The following ZP3 variants were observed in gnomAD, a reference collection of about 807,000 sequenced individuals.
The protein encoded by ZP3 is zona pellucida glycoprotein 3, also known as zona pellucida sperm-binding protein 3.
In ZP3, 21 loss-of-function variants were observed where a neutral mutation model predicts 35.6. The ratio of observed to expected loss-of-function variants is 0.59; its 90% CI spans 0.42 to 0.85. ZP3 has a LOEUF of 0.85. Among genes scored for constraint, ZP3 ranks in the 40% least tolerant of loss-of-function variants. The pLI is 0.00. For synonymous variants in ZP3, 207 were observed against 214.5 expected (o/e 0.96, Z 0.31); for missense variants, 437 against 536.5 (o/e 0.81, Z 1.83).
chr7:76,440,707 C>T, intron 7 of ZP3, 96 bp downstream of exon 7: 2 of 1,526,862 alleles, frequency 1.3e-6, no homozygotes, highest in South Asian at 2.6e-5. Flanking sequence ...CCCTTGTCCT[C>T]CATTAAAACT....
chr7:76,397,835 G>A (rs762179613), intron 1 of ZP3: 2 of 1,556,552 alleles, frequency 1.3e-6, no homozygotes, highest in Non-Finnish European at 1.7e-6. Context: ...GCCCTCACCT[G>A]GGGATGGGGG....
At chr7:76,416,876 A>G (rs538340066) in intron 1 of ZP3, among the ~76,000 whole-genome samples, 1 of 140,010 alleles carries the variant, frequency 7.1e-6, no homozygotes, top group Non-Finnish European at 1.5e-5. Flanking sequence ...ACACATATAT[A>G]CACACATACA....
upstream of ZP3, among the ~76,000 whole-genome samples, chr7:76,422,554 C>T (rs374099669): frequency 1.3e-3 from 192 of 151,722 alleles, 4 homozygotes; most frequent in East Asian, 0.029. Context: ...TGGCAGGCGC[C>T]TGTAATCCCA....
chr7:76,419,769 C>CCCTCCT (rs1193213971), intron 1 of ZP3, among the ~76,000 whole-genome samples: 5 of 142,542 alleles, frequency 3.5e-5, no homozygotes, highest in Admixed American at 2.9e-4. Context: ...TTTCCCCCTC[C>CCCTCCT]CCTCCTCCTC....
chr7:76,433,067 G>T, intron 3 of ZP3, 37 bp downstream of exon 3: 1 of 1,538,476 alleles, frequency 6.5e-7, no homozygotes, highest in South Asian at 1.1e-5. Flanking sequence ...TCTGTGGAAA[G>T]ACCTGGGCCA....
intron 1 of ZP3, chr7:76,400,555 C>A: frequency 1.3e-6 from 2 of 1,509,924 alleles, no homozygotes; most frequent in Non-Finnish European, 1.8e-6. Flanking sequence ...TTCCAGGCGG[C>A]CCCGGCAGCG....
At chr7:76,400,996 T>C in intron 1 of ZP3, 1 of 1,550,338 alleles carries the variant, frequency 6.5e-7, no homozygotes, top group Non-Finnish European at 8.7e-7. Flanking sequence ...AAGGGCGGGG[T>C]GGGGCACCTA....
At chr7:76,432,053 C>G (rs1805844547) in intron 2 of ZP3, among the ~76,000 whole-genome samples, 1 of 151,956 alleles carries the variant, frequency 6.6e-6, no homozygotes, top group Non-Finnish European at 1.5e-5. Flanking sequence ...AAAAGTCTTA[C>G]TCTGCCGCCC....
At chr7:76,400,450 G>A (rs755244124) in intron 1 of ZP3, 3 of 1,608,950 alleles carry the variant, frequency 1.9e-6, no homozygotes, top group South Asian at 1.1e-5. Flanking sequence ...CACGGGCAGT[G>A]CCAGGCCACA....
upstream of ZP3, among the ~76,000 whole-genome samples, chr7:76,420,417 C>T (rs1164614202): frequency 6.6e-6 from 1 of 152,142 alleles, no homozygotes; most frequent in Non-Finnish European, 1.5e-5. Flanking sequence ...CCACATACAG[C>T]TAAAACATGT....
chr7:76,425,493 C>T (rs1263401053), intron 1 of ZP3, among the ~76,000 whole-genome samples: 1 of 152,112 alleles, frequency 6.6e-6, no homozygotes, highest in African/African-American at 2.4e-5. Flanking sequence ...TGGGGTGGAG[C>T]CAGAGGTGGC....
intron 4 of ZP3, 97 bp downstream of exon 4, chr7:76,433,744 G>A: frequency 7.5e-7 from 1 of 1,331,296 alleles, no homozygotes; most frequent in East Asian, 2.3e-5. Context: ...TGTAACCCAG[G>A]CTGGAATACA....
upstream of ZP3, among the ~76,000 whole-genome samples, chr7:76,423,027 GAA>G (rs60018637): frequency 0.15 from 9,839 of 67,666 alleles, 736 homozygotes; most frequent in Non-Finnish European, 0.17. Flanking sequence ...GAGAGAGAGA[GAA>G]AGAAAGAAAG....
Position 76,411,347 on chromosome 7 carries a change from G to A in ZP3, c.-67+13550G>A, listed in dbSNP as rs907372264. Among the ~76,000 whole-genome samples the A allele has an allele frequency of 5.9e-5, 9 of 152,050 alleles. No homozygotes were observed. In the East Asian group the frequency reaches 7.7e-4, roughly 13 times the overall value. ...TTCCGGAAGCAAAGGCAGGAGGATCGCTTGAGACCAAGAGCTCAAGACCAG... is the reference window on the plus strand; with the variant it reads ...TTCCGGAAGCAAAGGCAGGAGGATCACTTGAGACCAAGAGCTCAAGACCAG... On this transcript the variant is annotated intron_variant, in intron 1 of 8. Coordinates refer to the ZP3 transcript ENST00000336517.
At chr7:76,407,644 G>T (rs1003818702) in intron 1 of ZP3, among the ~76,000 whole-genome samples, 1 of 152,042 alleles carries the variant, frequency 6.6e-6, no homozygotes, top group African/African-American at 2.4e-5. Flanking sequence ...AAGGCAGGAG[G>T]ATCACTTGAG....
rs1171830870 is a variant in ZP3 at position 76,405,271 on chromosome 7, TTATATATATATATATATATATATA to T, written c.-67+7496_-67+7519del. Among the ~76,000 whole-genome samples, 71 of 9,140 alleles carry T rather than the reference TTATATATATATATATATATATATA, an allele frequency of 7.8e-3. 3 individuals are homozygous for T. The East Asian group carries it at 0.12, about 15-fold the overall frequency. The allele number at this position is 9,140 out of a possible 152,430, so 6.0% of individuals were successfully genotyped here. On this transcript the variant is annotated intron_variant, in intron 1 of 8. Coordinates refer to the ZP3 transcript ENST00000336517. Reference sequence around the variant, plus strand: ...GGCGTGCATCACCACACCCAGCTAATTATATATATATATATATATATATATATATATATATATATATATATGTAT... The same window carrying T: ...GGCGTGCATCACCACACCCAGCTAATTATATATATATATATATATATGTAT...
Position 76,425,281 on chromosome 7 carries a change from G to C in ZP3, c.312+5G>C. Reference sequence around the variant, plus strand: ...GAGTGTGGCAACAGCATGCAGGTAAGAGAGGCTGGGGGCCCTGGCTTTGGT... The same window carrying C: ...GAGTGTGGCAACAGCATGCAGGTAACAGAGGCTGGGGGCCCTGGCTTTGGT... On this transcript the variant is annotated splice_donor_5th_base_variant and intron_variant, in intron 1 of 7. Coordinates refer to ENST00000394857, the MANE Select transcript of ZP3 (RefSeq NM_001110354.2). The C allele has an allele frequency of 6.3e-7, 1 of 1,597,474 alleles. No homozygotes were observed. Among genetic ancestry groups the C allele is most frequent in the Non-Finnish European group, 8.5e-7 (1 of 1,170,520 alleles).
At chr7:76,412,741 C>T (rs921414914) in intron 1 of ZP3, among the ~76,000 whole-genome samples, 5 of 151,500 alleles carry the variant, frequency 3.3e-5, no homozygotes, top group African/African-American at 1.2e-4. Context: ...CCCAGCTACT[C>T]GGGAGGCTGA....
At chr7:76,423,050 A>G (rs1043519286), upstream of ZP3, among the ~76,000 whole-genome samples, 5 of 146,418 alleles carry the variant, frequency 3.4e-5, 1 homozygote, top group African/African-American at 1.3e-4. Flanking sequence ...AAAGAAAGAA[A>G]GAAAGAAAGA....
Sources: allele counts gnomAD v4.1 joint callset (sites outside exome capture counted in the v4.1 genomes callset), GRCh38; gene constraint gnomAD v4.1.1; transcripts MANE v1.5; gene names NCBI Gene and HGNC (gene_info 2026-07-23, HGNC 2026-07-21).